The following MTM1 variants were observed in gnomAD, a reference collection of about 807,000 sequenced individuals.
The protein encoded by MTM1 is myotubularin.
In MTM1, 9 loss-of-function variants were observed where a neutral mutation model predicts 52.1. The observed-to-expected ratio is 0.17, with a 90% CI of 0.10 to 0.30. The LOEUF is 0.30. Ranked by LOEUF, MTM1 falls within the 10% of genes least tolerant of loss-of-function variation. MTM1 has a pLI of 1.00. For missense variants in MTM1, 277 were observed against 470.7 expected (o/e 0.59, Z 3.81); for synonymous variants, 136 against 163.8 (o/e 0.83, Z 1.29).
intron 6 of MTM1, among the ~76,000 whole-genome samples, chrX:150,624,382 TC>T (rs1557413358): frequency 8.9e-6 from 1 of 112,287 alleles, no homozygotes; most frequent in Non-Finnish European, 1.9e-5. Flanking sequence ...TGTCAGTGTT[TC>T]TGATAGTATG....
intron 9 of MTM1, among the ~76,000 whole-genome samples, chrX:150,646,506 C>T (rs1258417050): frequency 2.7e-5 from 3 of 112,809 alleles, no homozygotes; most frequent in Non-Finnish European, 5.6e-5. Context: ...TCAGAAGCTG[C>T]TGCAAGGTGT....
chrX:150,624,864 G>A (rs970703656), intron 6 of MTM1, among the ~76,000 whole-genome samples: 2 of 112,326 alleles, frequency 1.8e-5, no homozygotes, highest in South Asian at 3.7e-4. Flanking sequence ...TATTGTAGGC[G>A]TGAATATAGT....
chrX:150,583,932 T>TATATA lies in MTM1; in HGVS notation c.-10-8673_-10-8672insATATA, dbSNP rs1394040669. On this transcript the variant is annotated intron_variant, in intron 1 of 14. Transcript: ENST00000370396. ...TATATAATATAAAATATATATTAAA[T>TATATA]TAAAATATATATATTAAATATATGT... Among the ~76,000 whole-genome samples, 451 of 52,415 alleles carry TATATA rather than the reference T, an allele frequency of 8.6e-3. 50 individuals are homozygous for TATATA. The highest frequency in any genetic ancestry group is 0.011 in the Non-Finnish European group (327 of 28,709). The allele number at this position is 52,415 out of a possible 115,157, so 45.5% of individuals were successfully genotyped here.
chrX:150,656,123 G>T (rs1557414403), intron 10 of MTM1, among the ~76,000 whole-genome samples: 1 of 111,220 alleles, frequency 9.0e-6, no homozygotes, highest in African/African-American at 3.3e-5. Context: ...TGTTGGGTCA[G>T]TGATTTTTTT....
intron 14 of MTM1, among the ~76,000 whole-genome samples, chrX:150,670,769 A>G (rs1557415113): frequency 1.8e-5 from 2 of 111,033 alleles, no homozygotes; most frequent in African/African-American, 6.6e-5. Context: ...AAACACTCGC[A>G]TATGTGCTTG....
Position 150,638,957 on chromosome X carries a change from T to C in MTM1, c.459T>C (p.Phe153=). ...PLAHSLPLFA[F]LNEEKFNVDG... is the part of the protein sequence containing the mutation. ...GCCTTTTCTAGCCATTATTTGCATT[T>C]TTAAATGAAGAAAAGTTTAACGTGG... Residue 153 remains phenylalanine, a synonymous_variant, in exon 7 of 15, where the codon TTT becomes TTC. Transcript: ENST00000370396. The C allele has an allele frequency of 8.3e-7, 1 of 1,206,471 alleles. No individual in the cohort carries two copies.
intron 1 of MTM1, among the ~76,000 whole-genome samples, chrX:150,578,870 C>T (rs139896781): frequency 0.016 from 1,719 of 105,607 alleles, 23 homozygotes; most frequent in Middle Eastern, 0.067. Flanking sequence ...TATTCTTGGT[C>T]GCTTGCCTTT....
At chrX:150,648,352 C>T (rs1439008358) in intron 9 of MTM1, among the ~76,000 whole-genome samples, 1 of 111,651 alleles carries the variant, frequency 9.0e-6, no homozygotes, top group Non-Finnish European at 1.9e-5. Flanking sequence ...CAAAAAAAAA[C>T]CTAAGTTTCT....
chrX:150,562,943 G>A, the MTM1 span, among the ~76,000 whole-genome samples: 34 of 111,327 alleles, frequency 3.1e-4, no homozygotes, highest in Middle Eastern at 9.1e-3. Flanking sequence ...GAAGCTGGGG[G>A]AAGCTTCTGA....
At chrX:150,596,430 T>G in intron 2 of MTM1, 68 bp from the exon 3 acceptor site, 3 of 835,093 alleles carry the variant, frequency 3.6e-6, no homozygotes, top group Middle Eastern at 4.1e-4. Flanking sequence ...TGGCTTGTAT[T>G]CCTAGTTGCT....
chrX:150,619,264 A>G (rs1057447032), intron 6 of MTM1, 125 bp downstream of exon 6: 1 of 549,591 alleles, frequency 1.8e-6, no homozygotes, highest in African/African-American at 2.3e-5. Flanking sequence ...ATGTGTCTGC[A>G]GAGGTGTTTA....
chrX:150,642,612 G>T (rs1285374826), intron 8 of MTM1, among the ~76,000 whole-genome samples: 1 of 111,654 alleles, frequency 9.0e-6, no homozygotes, highest in Admixed American at 9.5e-5. Flanking sequence ...GTTTGGACAT[G>T]CTCTTCTGTA....
chrX:150,643,699 T>C (rs2039884822), intron 8 of MTM1, among the ~76,000 whole-genome samples: 1 of 112,051 alleles, frequency 8.9e-6, no homozygotes, highest in Non-Finnish European at 1.9e-5. Context: ...AGATGTACCA[T>C]GATTTAATCA....
chrX:150,592,911 T>C (rs2038911330), intron 2 of MTM1, among the ~76,000 whole-genome samples: 2 of 109,069 alleles, frequency 1.8e-5, no homozygotes, highest in South Asian at 8.3e-4. Flanking sequence ...TGGCAAGATC[T>C]CAGCTCACTG....
chrX:150,647,519 C>G (rs782644327), intron 9 of MTM1, among the ~76,000 whole-genome samples: 69 of 111,687 alleles, frequency 6.2e-4, no homozygotes, highest in African/African-American at 2.2e-3. Context: ...TGTCTCTCCG[C>G]TAGTCGCTAA....
intron 8 of MTM1, among the ~76,000 whole-genome samples, chrX:150,643,109 G>A (rs782720585): frequency 9.0e-6 from 1 of 110,694 alleles, no homozygotes; most frequent in East Asian, 2.8e-4. Flanking sequence ...CTAACCACCC[G>A]GCTGTTGGCT....
At chrX:150,668,592 C>A (rs1557415048) in intron 14 of MTM1, among the ~76,000 whole-genome samples, 1 of 110,473 alleles carries the variant, frequency 9.1e-6, no homozygotes, top group Non-Finnish European at 1.9e-5. Flanking sequence ...GCAGTCCTAG[C>A]TACTTGGCCA....
chrX:150,621,275 C>A (rs782306909), intron 6 of MTM1, among the ~76,000 whole-genome samples: 4 of 110,154 alleles, frequency 3.6e-5, no homozygotes, highest in African/African-American at 9.9e-5. Flanking sequence ...TTTCAGTTCC[C>A]CCCCTGCTAT....
At chrX:150,595,462 A>G (rs913653833) in intron 2 of MTM1, among the ~76,000 whole-genome samples, 3 of 112,205 alleles carry the variant, frequency 2.7e-5, no homozygotes, top group Non-Finnish European at 3.8e-5. Flanking sequence ...ACTGTCTCAA[A>G]AAATAAAAGT....
Sources: gnomAD v4.1 joint callset for allele counts (sites outside exome capture counted in the v4.1 genomes callset) on GRCh38, gnomAD v4.1.1 for gene constraint, MANE v1.5 for transcripts, NCBI Gene and HGNC (gene_info 2026-07-23, HGNC 2026-07-21) for gene names.